The following PTGER3 variants were observed in gnomAD, a reference collection of about 807,000 sequenced individuals.
The protein encoded by PTGER3 is prostaglandin E2 receptor EP3 subtype.
A neutral mutation model predicts 34.7 loss-of-function variants in PTGER3; 22 were observed. The observed-to-expected ratio is 0.63, with a 90% CI of 0.45 to 0.91. PTGER3 has a LOEUF of 0.91. Among genes scored for constraint, PTGER3 ranks in the 40% least tolerant of loss-of-function variants. PTGER3 has a pLI of 0.00. For missense variants in PTGER3, 468 were observed against 519.4 expected, an observed-to-expected ratio of 0.90 and a Z score of 0.96; for synonymous variants, 241 against 230.1, an observed-to-expected ratio of 1.05 and a Z score of -0.43.
chr1:70,943,847 GGAGAGAGA>G (rs60989903), intron 4 of PTGER3, among the ~76,000 whole-genome samples: 16 of 138,242 alleles, frequency 1.2e-4, no homozygotes, highest in Non-Finnish European at 1.7e-4. Flanking sequence ...GGAGAGAGAG[GGAGAGAGA>G]GAGAGAGAGA....
chr1:70,953,106 C>T (rs748945158), intron 3 of PTGER3: 2 of 1,454,622 alleles, frequency 1.4e-6, no homozygotes, highest in African/African-American at 2.9e-5. Context: ...TAAAAAATAA[C>T]AATATGAAAA....
chr1:70,895,736 A>C (rs988469446), intron 4 of PTGER3, among the ~76,000 whole-genome samples: 1 of 152,250 alleles, frequency 6.6e-6, no homozygotes, highest in African/African-American at 2.4e-5. Context: ...TTTTAGGTAC[A>C]GAAGTGTGAT....
intron 4 of PTGER3, among the ~76,000 whole-genome samples, chr1:70,940,878 G>C (rs552279812): frequency 2.6e-5 from 4 of 152,258 alleles, no homozygotes; most frequent in Admixed American, 1.3e-4. Context: ...TTGGGTCTTA[G>C]ATTCATGTTT....
intron 4 of PTGER3, among the ~76,000 whole-genome samples, chr1:70,862,868 T>C (rs1217265511): frequency 6.6e-6 from 1 of 152,142 alleles, no homozygotes; most frequent in Non-Finnish European, 1.5e-5. Flanking sequence ...AGCGGATAAC[T>C]GAATGGTTCT....
chr1:70,938,938 C>T (rs1338067287), intron 4 of PTGER3, among the ~76,000 whole-genome samples: 1 of 152,096 alleles, frequency 6.6e-6, no homozygotes, highest in East Asian at 1.9e-4. Flanking sequence ...TCATGCCTTC[C>T]CAACTGTCCC....
chr1:71,007,222 C>T, intron 2 of PTGER3: 1 of 985,136 alleles, frequency 1.0e-6, no homozygotes, highest in South Asian at 4.7e-5. Context: ...CTCCTAGGCA[C>T]ACCATGTAAA....
intron 1 of PTGER3, among the ~76,000 whole-genome samples, chr1:71,016,909 G>C (rs1175670756): frequency 6.6e-6 from 1 of 151,934 alleles, no homozygotes; most frequent in African/African-American, 2.4e-5. Context: ...GGTAAATATG[G>C]ACAATTATAC....
chr1:70,996,040 A>G (rs1378433033), intron 2 of PTGER3, among the ~76,000 whole-genome samples: 2 of 152,156 alleles, frequency 1.3e-5, no homozygotes, highest in African/African-American at 2.4e-5. Context: ...CCATACTTCA[A>G]ATTTATGTCT....
intron 4 of PTGER3, among the ~76,000 whole-genome samples, chr1:70,905,332 A>C (rs1276720517): frequency 6.6e-6 from 1 of 151,798 alleles, no homozygotes; most frequent in Non-Finnish European, 1.5e-5. Flanking sequence ...GTGGAGCTGT[A>C]AGAAGATGAC....
At chr1:70,950,933 C>T (rs1650702387), downstream of PTGER3, 1 of 152,070 alleles carries the variant, frequency 6.6e-6, no homozygotes, top group Admixed American at 6.6e-5. Context: ...CCAGGCTGGC[C>T]TAAAACCCCT....
intron 4 of PTGER3, among the ~76,000 whole-genome samples, chr1:70,942,739 T>C (rs1649871723): frequency 6.6e-6 from 1 of 152,194 alleles, no homozygotes. Flanking sequence ...GTAATTAGGT[T>C]AAATTAGGTC....
intron 4 of PTGER3, chr1:70,865,918 C>T: frequency 1.2e-6 from 1 of 815,854 alleles, no homozygotes; most frequent in Non-Finnish European, 1.8e-6. Flanking sequence ...AATTGCCACA[C>T]CTTTCCTGGA....
At chr1:70,978,149 C>T (rs1653890272) in intron 2 of PTGER3, among the ~76,000 whole-genome samples, 2 of 152,060 alleles carry the variant, frequency 1.3e-5, no homozygotes, top group Non-Finnish European at 2.9e-5. Flanking sequence ...CATGTCCTAA[C>T]CACACTCTAC....
At chr1:70,935,297 C>T (rs913202415) in intron 4 of PTGER3, among the ~76,000 whole-genome samples, 1 of 152,104 alleles carries the variant, frequency 6.6e-6, no homozygotes, top group Non-Finnish European at 1.5e-5. Flanking sequence ...ATTCTTTAAC[C>T]TCCTCTAATT....
chr1:71,026,416 TG>T (rs1557754833), intron 1 of PTGER3, among the ~76,000 whole-genome samples: 1 of 152,184 alleles, frequency 6.6e-6, no homozygotes, highest in East Asian at 1.9e-4. Flanking sequence ...CCGAAACTTC[TG>T]AAAAAAATGT....
chr1:70,955,299 T>A lies in PTGER3; in HGVS notation c.1078-1510A>T, dbSNP rs564183213. ...TCATAGAAAGGTGGTGGCTATCACATGACATAGTAGATATAAAGCACTTAT... is the reference window on the plus strand; with the variant it reads ...TCATAGAAAGGTGGTGGCTATCACAAGACATAGTAGATATAAAGCACTTAT... On this transcript the variant is annotated intron_variant, in intron 2 of 3. Transcript: ENST00000356595. Among the ~76,000 whole-genome samples the A allele has an allele frequency of 6.0e-4, 91 of 152,296 alleles. 1 individual carries two copies. The highest frequency in any genetic ancestry group is 2.0e-3 in the African/African-American group (84 of 41,554).
At chr1:70,902,845 G>A (rs918586179) in intron 4 of PTGER3, among the ~76,000 whole-genome samples, 3 of 152,136 alleles carry the variant, frequency 2.0e-5, no homozygotes, top group South Asian at 2.1e-4. Context: ...CAGAGAGGGG[G>A]ATATTGAGCC....
intron 4 of PTGER3, among the ~76,000 whole-genome samples, chr1:70,939,346 C>T (rs1332476657): frequency 6.6e-6 from 1 of 152,210 alleles, no homozygotes; most frequent in African/African-American, 2.4e-5. Context: ...TGAGTGTCTG[C>T]AGCTTTTCCA....
intron 4 of PTGER3, among the ~76,000 whole-genome samples, chr1:70,888,126 G>A (rs1340838108): frequency 6.6e-6 from 1 of 152,172 alleles, no homozygotes; most frequent in Non-Finnish European, 1.5e-5. Flanking sequence ...TGAGTTTCCA[G>A]GAGCAGAGAA....
Sources: gnomAD v4.1 joint callset for allele counts (sites outside exome capture counted in the v4.1 genomes callset) on GRCh38, gnomAD v4.1.1 for gene constraint, MANE v1.5 for transcripts, NCBI Gene and HGNC (gene_info 2026-07-23, HGNC 2026-07-21) for gene names.